RAPGEF1: variants seen among roughly 807,000 people sequenced by gnomAD.
The protein encoded by RAPGEF1 is Rap guanine nucleotide exchange factor 1.
In RAPGEF1, 33 loss-of-function variants were observed where a neutral mutation model predicts 143.3. The ratio of observed to expected loss-of-function variants is 0.23; its 90% CI spans 0.17 to 0.31. The LOEUF (loss-of-function observed/expected upper bound fraction) is 0.31, where lower values mean the gene tolerates loss of function less well. RAPGEF1 is among the 10% of genes least tolerant of loss of function. The probability of loss-of-function intolerance (pLI) is 1.00; values close to 1 mark genes in which losing one functional copy is unlikely to be tolerated. For synonymous variants in RAPGEF1, 629 were observed against 676.5 expected (o/e 0.93, Z 1.09); for missense variants, 1,199 against 1,645.4 (o/e 0.73, Z 4.69).
intron 6 of RAPGEF1, 113 bp from the exon 7 acceptor site, chr9:131,629,367 G>A: frequency 9.1e-7 from 1 of 1,100,912 alleles, no homozygotes; most frequent in Non-Finnish European, 1.3e-6. Context: ...GTGAGGTGGG[G>A]CTGAAGAGCA....
chr9:131,621,787 G>T lies in RAPGEF1; in HGVS notation c.1905+9C>A. On this transcript the variant is annotated intron_variant, in intron 11 of 26. Transcript: ENST00000683357. The surrounding 1 kb of genome is among the most constrained non-coding windows in gnomAD (Gnocchi z 4.5). ...GGAAGTTCTAGTCACAAGGGAAGGT[G>T]TCACTCACCAGCTGCCGCTGCTTGG... The T allele has an allele frequency of 1.3e-6, 2 of 1,596,102 alleles. No homozygotes were observed. The highest frequency in any genetic ancestry group is 1.7e-6 in the Non-Finnish European group (2 of 1,172,020).
chr9:131,686,991 C>T (rs998623532), intron 1 of RAPGEF1, among the ~76,000 whole-genome samples: 9 of 151,884 alleles, frequency 5.9e-5, no homozygotes, highest in Admixed American at 1.3e-4. Flanking sequence ...CAAAACCACG[C>T]GAAGATAATG....
chr9:131,662,283 C>G (rs1403066232), intron 1 of RAPGEF1, among the ~76,000 whole-genome samples: 5 of 152,222 alleles, frequency 3.3e-5, no homozygotes, highest in Non-Finnish European at 1.5e-5. Context: ...ACCTTCTCCT[C>G]CAGCTACTCC....
chr9:131,735,209 G>A (rs877374), intron 1 of RAPGEF1, among the ~76,000 whole-genome samples: 83,748 of 152,012 alleles, frequency 0.55, 23,905 homozygotes, highest in Non-Finnish European at 0.64. Flanking sequence ...CACTGAAGGA[G>A]GGAAGAAAGG....
intron 4 of RAPGEF1, among the ~76,000 whole-genome samples, chr9:131,639,382 CA>C (rs1404827431): frequency 6.6e-6 from 1 of 151,594 alleles, no homozygotes; most frequent in Non-Finnish European, 1.5e-5. Context: ...AATAGCAAAT[CA>C]GGGGTGACGG....
intron 21 of RAPGEF1, 38 bp from the exon 22 acceptor site, chr9:131,587,868 G>A (rs764582747): frequency 4.4e-6 from 7 of 1,604,126 alleles, no homozygotes; most frequent in Admixed American, 1.7e-5. Flanking sequence ...GTGGAGCCCC[G>A]GCTTTCCCCT....
intron 11 of RAPGEF1, among the ~76,000 whole-genome samples, chr9:131,620,203 C>T (rs1223894653): frequency 1.3e-5 from 2 of 151,942 alleles, no homozygotes; most frequent in African/African-American, 4.8e-5. Flanking sequence ...GTGGACTCCA[C>T]AGTATGGAGA....
intron 9 of RAPGEF1, among the ~76,000 whole-genome samples, chr9:131,627,663 A>C (rs185051495): frequency 4.6e-5 from 7 of 152,332 alleles, no homozygotes; most frequent in African/African-American, 1.7e-4. Context: ...TGACAGATGA[A>C]CTAACAGTCA....
At chr9:131,647,695 G>A (rs965744384) in intron 3 of RAPGEF1, among the ~76,000 whole-genome samples, 1 of 152,148 alleles carries the variant, frequency 6.6e-6, no homozygotes, top group African/African-American at 2.4e-5. Flanking sequence ...CAAGAGGTTC[G>A]CATTTACTTG....
chr9:131,669,917 C>A (rs1277389333), intron 1 of RAPGEF1, among the ~76,000 whole-genome samples: 1 of 152,208 alleles, frequency 6.6e-6, no homozygotes, highest in Non-Finnish European at 1.5e-5. Flanking sequence ...CTGAGTAACA[C>A]AAGGCCCTGC....
intron 16 of RAPGEF1, among the ~76,000 whole-genome samples, 198 bp downstream of exon 16, chr9:131,598,001 T>G (rs532487222): frequency 6.6e-6 from 1 of 152,140 alleles, no homozygotes; most frequent in Non-Finnish European, 1.5e-5. Flanking sequence ...TCTATAAGCA[T>G]CAGAAGGAGA....
chr9:131,698,960 A>G lies in RAPGEF1; in HGVS notation c.61+40810T>C, dbSNP rs552277349. 7.2e-5 allele frequency among the ~76,000 whole-genome samples: 11 copies of G among 152,306 alleles called. No homozygotes were observed. In the South Asian group the frequency reaches 1.7e-3, roughly 23 times the overall value. On this transcript the variant is annotated intron_variant, in intron 1 of 26. Transcript: ENST00000683357. ...TGTCAGCAAGGACTGTAAATACTCA[A>G]TGCACCACAGCTGATAATCAGGACT...
intron 1 of RAPGEF1, among the ~76,000 whole-genome samples, chr9:131,653,855 A>G (rs1052766428): frequency 6.6e-5 from 10 of 152,258 alleles, no homozygotes; most frequent in Admixed American, 4.6e-4. Context: ...CATTATTCAT[A>G]ATAGCCAAAG....
chr9:131,626,858 T>C (rs1439894102), intron 9 of RAPGEF1, among the ~76,000 whole-genome samples: 3 of 152,204 alleles, frequency 2.0e-5, no homozygotes, highest in African/African-American at 7.2e-5. Flanking sequence ...CCCAGCACTC[T>C]GTGAGGCCGA....
chr9:131,723,255 T>C (rs569683399), intron 1 of RAPGEF1, among the ~76,000 whole-genome samples: 35 of 152,332 alleles, frequency 2.3e-4, no homozygotes, highest in African/African-American at 8.2e-4. Flanking sequence ...TATGTAATTA[T>C]ATAAACATTG....
intron 12 of RAPGEF1, among the ~76,000 whole-genome samples, chr9:131,605,440 C>T (rs1462161294): frequency 6.6e-6 from 1 of 152,158 alleles, no homozygotes; most frequent in Admixed American, 6.5e-5. Flanking sequence ...AACAGCATGA[C>T]ACAGAGAACG....
chr9:131,632,489 T>G, intron 5 of RAPGEF1, among the ~76,000 whole-genome samples: 1 of 152,090 alleles, frequency 6.6e-6, no homozygotes, highest in East Asian at 1.9e-4. Flanking sequence ...TGTGCAAAAA[T>G]TAAACCACAA....
chr9:131,717,660 C>T (rs1835953613), intron 1 of RAPGEF1, among the ~76,000 whole-genome samples: 1 of 151,304 alleles, frequency 6.6e-6, no homozygotes, highest in Non-Finnish European at 1.5e-5. Flanking sequence ...GTAATCCCAG[C>T]TACCGGGGAG....
chr9:131,584,628 A>C lies in RAPGEF1; in HGVS notation c.3234-32T>G. ...GGACCAAGGGAAAAAGAAACAGCTG[A>C]GTTGACAAGTCCCTGCAGGTCCCAG... is the stretch of plus-strand genomic sequence containing the variant. On this transcript the variant is annotated intron_variant, in intron 22 of 26. Coordinates refer to ENST00000683357, the MANE Select transcript of RAPGEF1 (RefSeq NM_001377935.1). This position sits in a 1 kb window ranked among gnomAD's most constrained non-coding sequence, Gnocchi z 6.8. The C allele has an allele frequency of 1.2e-6, 2 of 1,609,264 alleles. No homozygotes were observed. Among genetic ancestry groups the C allele is most frequent in the South Asian group, 1.1e-5 (1 of 90,976 alleles).
Sources: gnomAD v4.1 joint callset for allele counts (sites outside exome capture counted in the v4.1 genomes callset) on GRCh38, gnomAD v4.1.1 for gene constraint, Gnocchi (gnomAD v3.1) non-coding constraint, MANE v1.5 for transcripts, NCBI Gene and HGNC (gene_info 2026-07-23, HGNC 2026-07-21) for gene names.